The following TMC1 variants were observed in gnomAD, a reference collection of about 807,000 sequenced individuals.
TMC1 encodes the protein transmembrane channel-like protein 1.
TMC1 carries 84 observed loss-of-function variants against 105.8 expected under a neutral mutation model. The ratio of observed to expected loss-of-function variants is 0.79; its 90% CI spans 0.67 to 0.95. The LOEUF is 0.95. Among genes scored for constraint, TMC1 ranks in the 40% least tolerant of loss-of-function variants. The pLI, the probability that TMC1 is intolerant of heterozygous loss-of-function variation, is 0.00. For missense variants in TMC1, 817 were observed against 914.1 expected, an observed-to-expected ratio of 0.89 and a Z score of 1.37; for synonymous variants, 315 against 311.5, an observed-to-expected ratio of 1.01 and a Z score of -0.12.
chr9:72,639,848 C>G (rs1177653264), intron 4 of TMC1, among the ~76,000 whole-genome samples: 1 of 152,106 alleles, frequency 6.6e-6, no homozygotes, highest in Non-Finnish European at 1.5e-5. Flanking sequence ...TTTAAAATGG[C>G]CATAGCTTTT....
intron 8 of TMC1, among the ~76,000 whole-genome samples, chr9:72,719,532 C>G (rs145819109): frequency 8.5e-4 from 130 of 152,302 alleles, no homozygotes; most frequent in African/African-American, 3.1e-3. Flanking sequence ...TGGGCACTCA[C>G]AGTATTTGGG....
intron 4 of TMC1, among the ~76,000 whole-genome samples, chr9:72,645,395 A>C (rs1382808257): frequency 6.6e-6 from 1 of 152,214 alleles, no homozygotes; most frequent in Admixed American, 6.5e-5. Context: ...GAGATGAAAC[A>C]TGGATTATCA....
intron 7 of TMC1, among the ~76,000 whole-genome samples, chr9:72,699,736 C>G (rs985689082): frequency 6.6e-6 from 1 of 151,970 alleles, no homozygotes; most frequent in South Asian, 2.1e-4. Flanking sequence ...GAGGGTGGAT[C>G]ACCTGAGGTC....
intron 18 of TMC1, among the ~76,000 whole-genome samples, chr9:72,805,909 T>G (rs1024273022): frequency 2.0e-5 from 3 of 152,166 alleles, no homozygotes; most frequent in African/African-American, 7.2e-5. Context: ...GTTTTCTTAG[T>G]ACAGAACAAA....
At chr9:72,779,378 C>T (rs939186095) in intron 13 of TMC1, among the ~76,000 whole-genome samples, 7 of 152,334 alleles carry the variant, frequency 4.6e-5, no homozygotes, top group African/African-American at 1.4e-4. Context: ...TTCCAAATGA[C>T]CATGCTAGCT....
intron 18 of TMC1, among the ~76,000 whole-genome samples, chr9:72,810,067 T>C (rs1828673047): frequency 6.7e-6 from 1 of 149,294 alleles, no homozygotes; most frequent in African/African-American, 2.5e-5. Context: ...AAAGAAAGAA[T>C]TCCCGGTGGA....
chr9:72,630,700 C>G (rs986731128), intron 4 of TMC1, among the ~76,000 whole-genome samples: 54 of 152,174 alleles, frequency 3.5e-4, no homozygotes, highest in African/African-American at 1.3e-3. Context: ...ATCCCTCTCC[C>G]TGTCAATCTA....
intron 17 of TMC1, 181 bp from the exon 18 acceptor site, chr9:72,805,201 A>G (rs1317782250): frequency 4.1e-6 from 2 of 490,622 alleles, no homozygotes; most frequent in Admixed American, 7.2e-5. Context: ...ATTATTTTTT[A>G]AGTAATAAAG....
chr9:72,826,351 C>T (rs923777150), intron 20 of TMC1, among the ~76,000 whole-genome samples: 3 of 152,018 alleles, frequency 2.0e-5, no homozygotes, highest in African/African-American at 4.8e-5. Context: ...ACCCATGATT[C>T]GGTGTGGTTA....
At chr9:72,755,144 C>A (rs966101216) in intron 12 of TMC1, among the ~76,000 whole-genome samples, 2 of 146,080 alleles carry the variant, frequency 1.4e-5, no homozygotes, top group African/African-American at 5.1e-5. Flanking sequence ...GAAACATGTC[C>A]CTTTATATAA....
intron 14 of TMC1, 94 bp downstream of exon 14, chr9:72,788,577 T>C (rs1489266153): frequency 6.1e-6 from 8 of 1,312,038 alleles, no homozygotes; most frequent in Non-Finnish European, 8.7e-6. Context: ...ATCTTGACAA[T>C]TTACATGAAA....
chr9:72,670,263 G>C (rs1274488543), intron 5 of TMC1, among the ~76,000 whole-genome samples: 1 of 152,110 alleles, frequency 6.6e-6, no homozygotes, highest in Non-Finnish European at 1.5e-5. Flanking sequence ...ACCAGAAAGA[G>C]TATAAAAACC....
At chr9:72,675,273 C>T (rs1001742698) in intron 5 of TMC1, among the ~76,000 whole-genome samples, 1 of 152,040 alleles carries the variant, frequency 6.6e-6, no homozygotes, top group African/African-American at 2.4e-5. Flanking sequence ...ATGAACACAT[C>T]GGGGAGGCTA....
At chr9:72,560,769 C>T (rs1564410589) in intron 1 of TMC1, among the ~76,000 whole-genome samples, 1 of 151,848 alleles carries the variant, frequency 6.6e-6, no homozygotes. Flanking sequence ...CAGGCATGAG[C>T]CACCGCGCCC....
At position 72,751,858 on chromosome 9, in the gene TMC1, G is replaced by A. The variant is rs773838098; in HGVS notation, c.544G>A (p.Gly182Ser). 4 of 1,606,346 alleles carry A rather than the reference G, an allele frequency of 2.5e-6. No individual in the cohort carries two copies. Among genetic ancestry groups the A allele is most frequent in the South Asian group, 2.2e-5 (2 of 90,916 alleles). Residue 182 changes from glycine to serine, a missense_variant, in exon 11 of 24, where the codon GGC becomes AGC. Coordinates refer to ENST00000297784, the MANE Select transcript of TMC1 (RefSeq NM_138691.3). ...TATTTTCTTTGTAATAGGTCAGTTTGGCTCCTCAGTGGCCTCATACTTCCT... is the reference window on the plus strand; with the variant it reads ...TATTTTCTTTGTAATAGGTCAGTTTAGCTCCTCAGTGGCCTCATACTTCCT... ...NKIKAIESQF[G>S]SSVASYFLFL...
intron 8 of TMC1, among the ~76,000 whole-genome samples, chr9:72,703,013 C>A (rs1019172447): frequency 6.6e-6 from 1 of 152,004 alleles, no homozygotes; most frequent in Non-Finnish European, 1.5e-5. Context: ...TGTTTTGTTT[C>A]TTTTTCTTTT....
At chr9:72,749,745 A>G (rs1827548338) in intron 10 of TMC1, among the ~76,000 whole-genome samples, 1 of 152,118 alleles carries the variant, frequency 6.6e-6, no homozygotes, top group South Asian at 2.1e-4. Flanking sequence ...CCATTTAAAG[A>G]TTGACTTCTT....
chr9:72,688,049 G>A (rs188385473), intron 5 of TMC1, among the ~76,000 whole-genome samples: 63 of 152,198 alleles, frequency 4.1e-4, no homozygotes, highest in African/African-American at 1.5e-3. Flanking sequence ...CTAAGAAGAA[G>A]ATGCTGTATG....
At chr9:72,808,389 T>G (rs1828638957) in intron 18 of TMC1, among the ~76,000 whole-genome samples, 1 of 152,346 alleles carries the variant, frequency 6.6e-6, no homozygotes, top group African/African-American at 2.4e-5. Context: ...TTATGTTACC[T>G]CCTTAGTGCT....
Sources: allele counts gnomAD v4.1 joint callset (sites outside exome capture counted in the v4.1 genomes callset), GRCh38; gene constraint gnomAD v4.1.1; transcripts MANE v1.5; gene names NCBI Gene and HGNC (gene_info 2026-07-23, HGNC 2026-07-21).